Variants in POLA2 observed in about 807,000 individuals in gnomAD.
POLA2 encodes DNA polymerase alpha 2, accessory subunit.
Under a neutral mutation model 82.8 loss-of-function variants are expected in POLA2, and 47 were observed. The ratio of observed to expected loss-of-function variants is 0.57; its 90% confidence interval spans 0.45 to 0.72. POLA2 has a LOEUF of 0.72. POLA2 is among the 30% of genes least tolerant of loss of function. The probability of loss-of-function intolerance (pLI) is 0.00; values close to 1 mark genes in which losing one functional copy is unlikely to be tolerated. For synonymous variants in POLA2, 287 were observed against 286.8 expected (o/e 1.00, Z -0.01); for missense variants, 634 against 728.1 (o/e 0.87, Z 1.49).
intron 9 of POLA2, 112 bp from the exon 10 acceptor site, chr11:65,282,367 C>A: frequency 1.2e-6 from 1 of 833,434 alleles, no homozygotes. Context: ...TCGCTCCTCC[C>A]CACTGTCCTC....
intron 10 of POLA2, among the ~76,000 whole-genome samples, chr11:65,286,636 C>T (rs1949700330): frequency 6.6e-6 from 1 of 152,124 alleles, no homozygotes; most frequent in Admixed American, 6.5e-5. Context: ...GGGATCCTCC[C>T]GCCTTAGCCT....
In POLA2 at chr11:65,267,850, G is replaced by A. The variant is rs564759974; in HGVS notation, c.296+282G>A. ...CTTTTTGCCCAGGCTGAAGTGCAAT[G>A]GTGCAATCTCAGCTCACTGCAACCT... On this transcript the variant is annotated intron_variant, in intron 3 of 17. Coordinates refer to ENST00000265465, the MANE Select transcript of POLA2 (RefSeq NM_002689.4). 2.6e-5 allele frequency among the ~76,000 whole-genome samples: 4 copies of A among 151,258 alleles called. No individual in the cohort carries two copies. The East Asian group carries it at 7.8e-4, about 29-fold the overall frequency.
At chr11:65,296,525 G>C (rs1949812559) in intron 17 of POLA2, 1 of 158,752 alleles carries the variant, frequency 6.3e-6, no homozygotes, top group Admixed American at 5.9e-5. Context: ...TTTCACATGA[G>C]AAAGCAGTAA....
intron 4 of POLA2, among the ~76,000 whole-genome samples, chr11:65,273,891 C>T (rs1949548031): frequency 6.6e-6 from 1 of 152,110 alleles, no homozygotes; most frequent in African/African-American, 2.4e-5. Flanking sequence ...ATGGGAAAAG[C>T]TGTATGCATG....
exon 9 of POLA2, chr11:65,305,556 C>T: frequency 2.7e-6 from 1 of 369,446 alleles, no homozygotes; most frequent in African/African-American, 2.1e-5. Flanking sequence ...TGCCTGTAGT[C>T]CCAGCCACGC....
At chr11:65,275,042 A>G (rs1949562134) in intron 4 of POLA2, among the ~76,000 whole-genome samples, 1 of 152,224 alleles carries the variant, frequency 6.6e-6, no homozygotes, top group Non-Finnish European at 1.5e-5. Flanking sequence ...TGGTTATTAT[A>G]TCAGGGTAGT....
chr11:65,289,106 G>T lies in POLA2; in HGVS notation c.1170+18G>T. 1 of 1,607,854 alleles carries T rather than the reference G, an allele frequency of 6.2e-7. No individual in the cohort carries two copies. The highest frequency in any genetic ancestry group is 8.5e-7 in the Non-Finnish European group (1 of 1,175,534). On this transcript the variant is annotated intron_variant, in intron 12 of 17. Transcript: ENST00000265465. ...AGGTGGAGGTGAGTGGGCTGGGGTGGGAAGGGGTCCTGGGTACTTGAATCC... is the reference window on the plus strand; with the variant it reads ...AGGTGGAGGTGAGTGGGCTGGGGTGTGAAGGGGTCCTGGGTACTTGAATCC...
intron 4 of POLA2, among the ~76,000 whole-genome samples, chr11:65,272,115 G>C (rs906931244): frequency 6.6e-6 from 1 of 152,132 alleles, no homozygotes; most frequent in Non-Finnish European, 1.5e-5. Flanking sequence ...TTCGAGACCA[G>C]TCTGGCCACC....
chr11:65,289,165 A>G, intron 12 of POLA2, 77 bp downstream of exon 12: 1 of 1,146,746 alleles, frequency 8.7e-7, no homozygotes, highest in Non-Finnish European at 1.3e-6. Context: ...TTTAGTGTTT[A>G]TCCCACATCT....
chr11:65,272,738 G>A (rs1436070754), intron 4 of POLA2, among the ~76,000 whole-genome samples: 1 of 152,168 alleles, frequency 6.6e-6, no homozygotes, highest in Non-Finnish European at 1.5e-5. Flanking sequence ...ACCGGCCACT[G>A]CGGTGGCTCA....
In POLA2 at chr11:65,298,278, C is replaced by G. The variant is rs905439044; in HGVS notation, c.*1009C>G. On this transcript the variant is annotated 3_prime_UTR_variant, in exon 18 of 18. Transcript: ENST00000265465. ...GCCGCCTCGCTGGGCTGTTCCAAAGCTGGAGTCCTGGTGGCAGCTGCTTTG... is the reference window on the plus strand; with the variant it reads ...GCCGCCTCGCTGGGCTGTTCCAAAGGTGGAGTCCTGGTGGCAGCTGCTTTG... 36 of 152,560 alleles carry G rather than the reference C, an allele frequency of 2.4e-4. No homozygotes were observed. Among genetic ancestry groups the G allele is most frequent in the African/African-American group, 8.4e-4 (35 of 41,596 alleles). 9.5% of individuals were successfully genotyped at this position (152,560 alleles called of 1,614,324 possible).
At chr11:65,275,478 C>T (rs1317104891) in intron 4 of POLA2, among the ~76,000 whole-genome samples, 2 of 151,914 alleles carry the variant, frequency 1.3e-5, no homozygotes, top group African/African-American at 4.8e-5. Flanking sequence ...GTATGGTAGA[C>T]TTTGCCAAAG....
intron 9 of POLA2, 133 bp from the exon 10 acceptor site, chr11:65,282,346 C>T: frequency 1.4e-6 from 1 of 727,196 alleles, no homozygotes; most frequent in Non-Finnish European, 2.5e-6. Context: ...GCACATCCTT[C>T]CCCTGCCCTC....
At chr11:65,289,242 G>A (rs1165007651) in intron 12 of POLA2, among the ~76,000 whole-genome samples, 154 bp downstream of exon 12, 2 of 152,180 alleles carry the variant, frequency 1.3e-5, no homozygotes, top group African/African-American at 4.8e-5. Flanking sequence ...TATTAATAAA[G>A]ATCTGGAATC....
chr11:65,282,482 G>A lies in POLA2; in HGVS notation c.967G>A (p.Val323Met), dbSNP rs748395322. The A allele has an allele frequency of 6.2e-7, 1 of 1,613,702 alleles. No individual in the cohort carries two copies. Among genetic ancestry groups the A allele is most frequent in the Admixed American group, 1.7e-5 (1 of 60,012 alleles). The change falls in exon 10 of 18, where the codon GTG (valine) becomes ATG (methionine). Residue 323 changes from valine to methionine, a missense_variant. Transcript: ENST00000265465. ...TGAGCTTTTCCCCTGTTTTTAGGGT[G>A]TGCCACTTCCATTTTATCAGCCCAC... ...KLVATKLYEG[V>M]PLPFYQPTEE...
chr11:65,304,264 C>T (rs577240003), intron 8 of POLA2, among the ~76,000 whole-genome samples: 45 of 152,126 alleles, frequency 3.0e-4, no homozygotes, highest in African/African-American at 1.1e-3. Flanking sequence ...TCCACGTAAC[C>T]ATCCATCCTT....
In POLA2 at chr11:65,305,288, T is replaced by G. The variant is rs1189891431; in HGVS notation, c.657-85T>G. ...ACCAAAAAGAAACACATGTGGCTCT[T>G]AAGCAAATGAAAAGGTGACCAGCCT... On this transcript the variant is annotated intron_variant, in intron 8 of 8. Transcript: ENST00000525924. 3 of 444,912 alleles carry G rather than the reference T, an allele frequency of 6.7e-6. No individual in the cohort carries two copies. The East Asian group carries it at 2.1e-4, about 31-fold the overall frequency. The allele number at this position is 444,912 out of a possible 1,614,324, so 27.6% of individuals were successfully genotyped here. A position where few individuals can be genotyped will look rare whatever the true frequency, so the allele number is the denominator to read the frequency against.
rs912672659 is a variant in POLA2 at position 65,262,225 on chromosome 11, C to T, written c.-68C>T. The T allele has an allele frequency of 7.9e-7, 1 of 1,265,498 alleles. No individual in the cohort carries two copies. The allele number at this position is 1,265,498 out of a possible 1,614,324, so 78.4% of individuals were successfully genotyped here. The stretch of plus-strand genomic sequence containing the variant: ...GGCGAGGAGCTCATCGCTCGCCACC[C>T]CCGTGGGCTTCTTGGGCGCAGGTCG... On this transcript the variant is annotated 5_prime_UTR_variant, in exon 1 of 18. Coordinates refer to ENST00000265465, the MANE Select transcript of POLA2 (RefSeq NM_002689.4).
At position 65,262,265 on chromosome 11, in the gene POLA2, G is replaced by A. The variant is rs778608065; in HGVS notation, c.-28G>A. The A allele has an allele frequency of 6.3e-7, 1 of 1,599,030 alleles. No homozygotes were observed. Among genetic ancestry groups the A allele is most frequent in the South Asian group, 1.1e-5 (1 of 89,592 alleles). On this transcript the variant is annotated 5_prime_UTR_variant, in exon 1 of 18. Coordinates refer to ENST00000265465, the MANE Select transcript of POLA2 (RefSeq NM_002689.4). ...GGCGCAGGTCGGAGCTGGGTGGGCC[G>A]GCTCCCCGGCCCCTGGCTTGGGCGA...
Sources: allele counts gnomAD v4.1 joint callset (sites outside exome capture counted in the v4.1 genomes callset), GRCh38; gene constraint gnomAD v4.1.1; transcripts MANE v1.5; gene names NCBI Gene and HGNC (gene_info 2026-07-23, HGNC 2026-07-21).